Variants in CLDND1 observed in about 807,000 individuals in gnomAD.
The protein encoded by CLDND1 is claudin domain containing 1, also known as claudin domain-containing protein 1.
Under a neutral mutation model 26.3 loss-of-function variants are expected in CLDND1, and 13 were observed. The ratio of observed to expected loss-of-function variants is 0.49; its 90% CI spans 0.32 to 0.78. The LOEUF (loss-of-function observed/expected upper bound fraction) is 0.78. CLDND1 is among the 30% of genes least tolerant of loss of function. CLDND1 has a pLI of 0.03. For missense variants in CLDND1, 289 were observed against 312.8 expected (o/e 0.92, Z 0.57); for synonymous variants, 107 against 107.0 (o/e 1.00, Z 0.00).
At chr3:98,520,953 G>A (rs1048167517) in intron 2 of CLDND1, 180 bp downstream of exon 2, 127 of 607,692 alleles carry the variant, frequency 2.1e-4, no homozygotes, top group Non-Finnish European at 2.7e-4. Flanking sequence ...ATATTGATGA[G>A]TACCATGGTA....
At chr3:98,521,912 A>C in intron 1 of CLDND1, 2 of 553,948 alleles carry the variant, frequency 3.6e-6, no homozygotes, top group Non-Finnish European at 6.4e-6. Flanking sequence ...TCCTCTGAAG[A>C]GGGAAGCCTC....
chr3:98,522,091 T>C (rs936388424), intron 1 of CLDND1: 8 of 179,486 alleles, frequency 4.5e-5, no homozygotes, highest in Non-Finnish European at 8.2e-5. Flanking sequence ...GCCAAGCTTC[T>C]TTACGCTGCC....
Position 98,515,803 on chromosome 3 carries a change from T to G in CLDND1, c.*856A>C. ...TAGGTTTCCCAGCTCTGGAGGGTCA[T>G]TATGGTGAAACGTTCTTTATAGTAC... On this transcript the variant is annotated 3_prime_UTR_variant, in exon 5 of 5. Transcript: ENST00000341181. 1 of 1,289,738 alleles carries G rather than the reference T, an allele frequency of 7.8e-7. No individual in the cohort carries two copies. The highest frequency in any genetic ancestry group is 1.0e-6 in the Non-Finnish European group (1 of 988,834). The allele number at this position is 1,289,738 out of a possible 1,614,324, so 79.9% of individuals were successfully genotyped here. A position where few individuals can be genotyped will look rare whatever the true frequency, so the allele number is the denominator to read the frequency against.
chr3:98,519,136 T>C (rs1456131427), intron 2 of CLDND1, 141 bp from the exon 3 acceptor site: 2 of 582,926 alleles, frequency 3.4e-6, no homozygotes, highest in Non-Finnish European at 6.1e-6. Context: ...GACACACAGG[T>C]TTCATAGATG....
intron 2 of CLDND1, chr3:98,520,829 T>G (rs1289407773): frequency 3.6e-6 from 1 of 280,622 alleles, no homozygotes; most frequent in Non-Finnish European, 6.6e-6. Flanking sequence ...CTTTTCCAAC[T>G]ATTTCTTTAT....
At chr3:98,518,663 T>C in intron 3 of CLDND1, 1 of 527,698 alleles carries the variant, frequency 1.9e-6, no homozygotes, top group African/African-American at 1.9e-5. Flanking sequence ...CATCATCCAA[T>C]GAAGTAGTTG....
intron 2 of CLDND1, 29 bp downstream of exon 2, chr3:98,521,104 G>A: frequency 6.3e-7 from 1 of 1,579,374 alleles, no homozygotes; most frequent in Non-Finnish European, 8.6e-7. Context: ...ACCAGGTGAA[G>A]AAGACAGAAG....
At chr3:98,516,932 TA>T in intron 4 of CLDND1, 53 bp from the exon 5 acceptor site, 1 of 1,609,954 alleles carries the variant, frequency 6.2e-7, no homozygotes, top group Non-Finnish European at 8.5e-7. Context: ...AAAAGCACAG[TA>T]AAGAGCTTTT....
At chr3:98,517,225 T>G in intron 3 of CLDND1, 36 bp from the exon 4 acceptor site, 1 of 1,600,898 alleles carries the variant, frequency 6.2e-7, no homozygotes. Flanking sequence ...AATGTTACCG[T>G]GATTTCAGAC....
chr3:98,522,625 C>T (rs1321032950), intron 1 of CLDND1: 1 of 1,391,422 alleles, frequency 7.2e-7, no homozygotes, highest in Non-Finnish European at 9.3e-7. Context: ...ACGGCGGGGC[C>T]GGAGAAGGCC....
At chr3:98,520,412 C>T (rs1706355813) in intron 2 of CLDND1, among the ~76,000 whole-genome samples, 1 of 152,196 alleles carries the variant, frequency 6.6e-6, no homozygotes, top group Non-Finnish European at 1.5e-5. Context: ...GAATACAATG[C>T]TTCCCCACTA....
chr3:98,516,105 C>A lies in CLDND1; in HGVS notation c.*554G>T. On this transcript the variant is annotated 3_prime_UTR_variant, in exon 5 of 5. Coordinates refer to ENST00000341181, the MANE Select transcript of CLDND1 (RefSeq NM_001040181.2). ...GACACAGTGCAGATACAAACAGCTG[C>A]CATATCTCACCTCAGATGAAGCTAT... is the stretch of plus-strand genomic sequence containing the variant. 1.9e-6 allele frequency: 2 copies of A among 1,077,910 alleles called. No individual in the cohort carries two copies. Among genetic ancestry groups the A allele is most frequent in the Non-Finnish European group, 2.3e-6 (2 of 878,546 alleles). The allele number at this position is 1,077,910 out of a possible 1,614,324, so 66.8% of individuals were successfully genotyped here.
chr3:98,518,848 G>C, intron 3 of CLDND1, 37 bp downstream of exon 3: 1 of 1,176,244 alleles, frequency 8.5e-7, no homozygotes, highest in South Asian at 1.2e-5. Context: ...AATTATCTTT[G>C]TTCCCCCAAC....
At chr3:98,519,819 A>T (rs1305222295) in intron 2 of CLDND1, among the ~76,000 whole-genome samples, 1 of 152,108 alleles carries the variant, frequency 6.6e-6, no homozygotes, top group African/African-American at 2.4e-5. Context: ...TGTCCTTTCC[A>T]ACCTAAATGA....
Position 98,517,188 on chromosome 3 carries a change from A to C in CLDND1, c.405T>G (p.Tyr135Ter). The C allele has an allele frequency of 1.2e-6, 2 of 1,607,008 alleles. No individual in the cohort carries two copies. Among genetic ancestry groups the C allele is most frequent in the Non-Finnish European group, 1.7e-6 (2 of 1,178,324 alleles). The change falls in exon 4 of 5, where the codon TAT (tyrosine) becomes TAG (stop). Residue 135 changes from tyrosine (Y) to a stop codon, truncating the protein, a stop_gained and splice_region_variant. Transcript: ENST00000341181. LOFTEE classifies it high-confidence loss of function. ...HNSGIDLLRT[Y>*]LWRCQFLLPF... is the part of the protein sequence containing the mutation. ...GTAAAAGGAACTGGCAACGCCAAAG[A>C]TCTGATTTTTAAAAAGAGAGAAAAG...
At chr3:98,517,424 CTA>C (rs1213175072) in intron 3 of CLDND1, 11 of 476,200 alleles carry the variant, frequency 2.3e-5, no homozygotes, top group Non-Finnish European at 3.7e-5. Context: ...ATGTTCCATG[CTA>C]TGTTTGTCTA....
Position 98,515,857 on chromosome 3 carries a change from G to A in CLDND1, c.*802C>T, listed in dbSNP as rs1213396027. ...GCTGGAATAAATAAATAGCAGTTGA[G>A]GAATTTTACCTTGTAACTGTAATAT... On this transcript the variant is annotated 3_prime_UTR_variant, in exon 5 of 5. Transcript: ENST00000341181. The A allele has an allele frequency of 1.6e-6, 2 of 1,288,242 alleles. No individual in the cohort carries two copies. The highest frequency in any genetic ancestry group is 5.6e-5 in the East Asian group (1 of 18,004). 79.8% of individuals were successfully genotyped at this position (1,288,242 alleles called of 1,614,324 possible).
At chr3:98,516,990 A>G in intron 4 of CLDND1, 62 bp downstream of exon 4, 1 of 1,608,698 alleles carries the variant, frequency 6.2e-7, no homozygotes. Context: ...TCAGATTTAT[A>G]ACTCTTTGGT....
At chr3:98,521,680 G>T (rs1482620396) in intron 1 of CLDND1, 1 of 1,613,058 alleles carries the variant, frequency 6.2e-7, no homozygotes, top group South Asian at 1.1e-5. Context: ...CAGAGGTCTT[G>T]TTCTCTAGTC....
Sources: gnomAD v4.1 joint callset for allele counts (sites outside exome capture counted in the v4.1 genomes callset) on GRCh38, gnomAD v4.1.1 for gene constraint, MANE v1.5 for transcripts, NCBI Gene and HGNC (gene_info 2026-07-23, HGNC 2026-07-21) for gene names.